RBFOX1: variants seen among roughly 807,000 people sequenced by gnomAD.
RBFOX1 encodes RNA binding fox-1 homolog 1.
A neutral mutation model predicts 57.7 loss-of-function variants in RBFOX1; 8 were observed. The ratio of observed to expected loss-of-function variants is 0.14; its 90% confidence interval spans 0.08 to 0.25. RBFOX1 has a LOEUF of 0.25. Ranked by LOEUF, RBFOX1 falls within the 10% of genes least tolerant of loss-of-function variation. RBFOX1 has a pLI of 1.00. For synonymous variants in RBFOX1, 326 were observed against 222.4 expected (o/e 1.47, Z -4.15); for missense variants, 611 against 548.5 (o/e 1.11, Z -1.14).
intron 4 of RBFOX1, among the ~76,000 whole-genome samples, chr16:5,981,836 G>A (rs2060180131): frequency 6.6e-6 from 1 of 152,178 alleles, no homozygotes; most frequent in Admixed American, 6.5e-5. Context: ...ATGTGCATGG[G>A]ATATTTTTGG....
rs142154440 is a variant in RBFOX1 at position 5,825,443 on chromosome 16, G to T, written c.319-41860G>T. Among the ~76,000 whole-genome samples the T allele has an allele frequency of 3.9e-3, 587 of 152,304 alleles. 2 individuals carry two copies. The highest frequency in any genetic ancestry group is 0.013 in the African/African-American group (521 of 41,558). ...GGAGTCACCTACTATAAGGTTCGAA[G>T]GAAGTGTCTAGATCATCTACTGGGG... is the stretch of plus-strand genomic sequence containing the variant. On this transcript the variant is annotated intron_variant, in intron 3 of 19. Transcript: ENST00000641259.
chr16:7,227,982 G>A (rs62017362), intron 4 of RBFOX1, among the ~76,000 whole-genome samples: 42,500 of 152,078 alleles, frequency 0.28, 7,615 homozygotes, highest in East Asian at 0.67. Flanking sequence ...AGGATGTTTA[G>A]CAGTATCTCT....
chr16:5,730,438 C>T (rs923901142), intron 3 of RBFOX1, among the ~76,000 whole-genome samples: 1 of 152,156 alleles, frequency 6.6e-6, no homozygotes, highest in Admixed American at 6.5e-5. Context: ...CATTGTGTGC[C>T]TCTGGCTGCG....
chr16:6,565,659 G>T (rs1478253865), intron 2 of RBFOX1, among the ~76,000 whole-genome samples: 2 of 151,628 alleles, frequency 1.3e-5, no homozygotes, highest in Admixed American at 6.6e-5. Context: ...AGTAGAGACG[G>T]GGGTTTCACC....
At chr16:7,465,842 T>C (rs774658463) in intron 4 of RBFOX1, among the ~76,000 whole-genome samples, 1 of 152,212 alleles carries the variant, frequency 6.6e-6, no homozygotes, top group East Asian at 1.9e-4. Context: ...CTGGAATAAC[T>C]GATGTCGAGT....
chr16:5,423,698 C>G (rs1360928758), intron 1 of RBFOX1, among the ~76,000 whole-genome samples: 1 of 152,144 alleles, frequency 6.6e-6, no homozygotes, highest in Non-Finnish European at 1.5e-5. Flanking sequence ...TCTGCTCTGT[C>G]CCCCCTTCCA....
intron 4 of RBFOX1, among the ~76,000 whole-genome samples, chr16:7,241,070 T>C (rs748726266): frequency 3.4e-4 from 52 of 152,310 alleles, no homozygotes; most frequent in Middle Eastern, 3.4e-3. Context: ...AGAAGGTTTA[T>C]TTAGCGCAGT....
At chr16:6,931,941 G>C (rs1352558461) in intron 3 of RBFOX1, among the ~76,000 whole-genome samples, 1 of 152,062 alleles carries the variant, frequency 6.6e-6, no homozygotes, top group Non-Finnish European at 1.5e-5. Flanking sequence ...AGAACCAGGG[G>C]GCTGAAGTCA....
chr16:5,784,265 C>CA (rs886788857), intron 3 of RBFOX1, among the ~76,000 whole-genome samples: 5 of 152,114 alleles, frequency 3.3e-5, no homozygotes, highest in Admixed American at 2.6e-4. Context: ...ACTAAAAATA[C>CA]AAAAAAACAA....
At chr16:7,251,561 C>T (rs765490687) in intron 4 of RBFOX1, among the ~76,000 whole-genome samples, 1 of 151,892 alleles carries the variant, frequency 6.6e-6, no homozygotes, top group Non-Finnish European at 1.5e-5. Context: ...CACGTGTCTC[C>T]CCTCGCCGCC....
intron 3 of RBFOX1, among the ~76,000 whole-genome samples, chr16:5,681,353 G>C (rs1306954943): frequency 6.6e-6 from 1 of 151,016 alleles, no homozygotes; most frequent in South Asian, 2.1e-4. Context: ...CAAAGTGTTG[G>C]GATTACAGGC....
chr16:7,642,322 T>C (rs560722001), intron 11 of RBFOX1, among the ~76,000 whole-genome samples: 1 of 152,290 alleles, frequency 6.6e-6, no homozygotes, highest in African/African-American at 2.4e-5. Context: ...GGACTCTTTT[T>C]TTTAAGTCTG....
intron 2 of RBFOX1, among the ~76,000 whole-genome samples, chr16:6,460,644 A>C (rs893388351): frequency 3.3e-5 from 5 of 152,196 alleles, no homozygotes; most frequent in African/African-American, 1.2e-4. Flanking sequence ...TTACACTGTT[A>C]GTGGGAATGT....
rs115444581 is a variant in RBFOX1 at position 5,430,789 on chromosome 16, A to G, written c.220-36427A>G. Among the ~76,000 whole-genome samples, 1,424 of 152,352 alleles carry G rather than the reference A, an allele frequency of 9.3e-3. 20 individuals are homozygous for G. Among genetic ancestry groups the G allele is most frequent in the African/African-American group, 0.033 (1,375 of 41,580 alleles). ...TTTGCAATAGCCTTTGCAAAAGGCA[A>G]AGTATTTTGCAATAGTCTTTACTGC... On this transcript the variant is annotated intron_variant, in intron 1 of 2. Transcript: ENST00000585867.
intron 2 of RBFOX1, among the ~76,000 whole-genome samples, chr16:6,545,253 C>T (rs1385989643): frequency 2.0e-5 from 3 of 152,158 alleles, no homozygotes; most frequent in Admixed American, 6.5e-5. Flanking sequence ...TAGGTTGATC[C>T]TTTTAATATT....
chr16:5,889,531 G>T (rs983593197), intron 4 of RBFOX1, among the ~76,000 whole-genome samples: 2 of 151,986 alleles, frequency 1.3e-5, no homozygotes, highest in African/African-American at 4.8e-5. Context: ...GAACATACAT[G>T]TGTGTGTACC....
chr16:5,849,772 G>A (rs764366596), intron 3 of RBFOX1, among the ~76,000 whole-genome samples: 3 of 152,106 alleles, frequency 2.0e-5, no homozygotes, highest in East Asian at 1.9e-4. Context: ...TCTTGAGTGT[G>A]CAGCGTCTCT....
intron 4 of RBFOX1, among the ~76,000 whole-genome samples, chr16:7,459,764 T>C (rs1759034963): frequency 6.6e-6 from 1 of 152,206 alleles, no homozygotes; most frequent in South Asian, 2.1e-4. Context: ...TTGGAAAATA[T>C]AATAAATGTA....
At chr16:5,489,649 C>A (rs751189909) in intron 2 of RBFOX1, among the ~76,000 whole-genome samples, 7 of 152,166 alleles carry the variant, frequency 4.6e-5, no homozygotes, top group Non-Finnish European at 8.8e-5. Flanking sequence ...ATTATTATTG[C>A]AGGAGTTCAG....
Sources: gnomAD v4.1 joint callset for allele counts (sites outside exome capture counted in the v4.1 genomes callset) on GRCh38, gnomAD v4.1.1 for gene constraint, MANE v1.5 for transcripts, NCBI Gene and HGNC (gene_info 2026-07-23, HGNC 2026-07-21) for gene names.